Variants in PCDH15 observed in about 807,000 individuals in gnomAD.
PCDH15 encodes the protein protocadherin-15.
Under a neutral mutation model 178.5 loss-of-function variants are expected in PCDH15, and 129 were observed. That is an observed-to-expected ratio of 0.72 (90% CI 0.63 to 0.84). The LOEUF is 0.84. Among genes scored for constraint, PCDH15 ranks in the 40% least tolerant of loss-of-function variants. PCDH15 has a pLI of 0.00. For missense variants in PCDH15, 2,230 were observed against 2,099.9 expected, an observed-to-expected ratio of 1.06 and a Z score of -1.21; for synonymous variants, 800 against 732.0, an observed-to-expected ratio of 1.09 and a Z score of -1.50.
At chr10:55,167,744 C>G (rs1186253621) in intron 1 of PCDH15, among the ~76,000 whole-genome samples, 1 of 152,006 alleles carries the variant, frequency 6.6e-6, no homozygotes, top group Non-Finnish European at 1.5e-5. Context: ...ATAAAATTGA[C>G]AGATGCATTT....
At chr10:55,175,669 A>C (rs2132128234) in intron 1 of PCDH15, among the ~76,000 whole-genome samples, 1 of 151,344 alleles carries the variant, frequency 6.6e-6, no homozygotes, top group Middle Eastern at 3.4e-3. Context: ...GTCTCAAAAA[A>C]AAAAAAAAAG....
intron 8 of PCDH15, among the ~76,000 whole-genome samples, chr10:54,253,640 A>G (rs1296344812): frequency 6.6e-6 from 1 of 152,110 alleles, no homozygotes; most frequent in East Asian, 1.9e-4. Flanking sequence ...TAAAAGAGAT[A>G]TTAGTGATTA....
intron 23 of PCDH15, among the ~76,000 whole-genome samples, chr10:53,947,145 A>G (rs1466712959): frequency 6.6e-6 from 1 of 152,178 alleles, no homozygotes; most frequent in African/African-American, 2.4e-5. Flanking sequence ...TCAACTGAGT[A>G]TATATTAACT....
At chr10:55,562,443 G>A (rs760504817) in intron 2 of PCDH15, among the ~76,000 whole-genome samples, 1 of 151,624 alleles carries the variant, frequency 6.6e-6, no homozygotes. Context: ...CTAATCTAAC[G>A]TCATTTTCCA....
At chr10:54,414,308 A>G (rs1254560959) in intron 3 of PCDH15, among the ~76,000 whole-genome samples, 3 of 152,118 alleles carry the variant, frequency 2.0e-5, no homozygotes, top group Non-Finnish European at 4.4e-5. Context: ...ACTTAACATT[A>G]ATCTACAAAA....
Position 54,752,434 on chromosome 10 carries a change from G to A in PCDH15, c.-29+48491C>T, listed in dbSNP as rs1456714094. Among the ~76,000 whole-genome samples the A allele has an allele frequency of 4.2e-5, 6 of 143,948 alleles. No homozygotes were observed. In the East Asian group the frequency reaches 1.0e-3, roughly 24 times the overall value. The allele number at this position is 143,948 out of a possible 152,430, so 94.4% of individuals were successfully genotyped here. ...AGAGCTTGCAGTGAGCTGAGATCAC[G>A]CCACTGCACTCCAGCCTGGGTGACA... On this transcript the variant is annotated intron_variant, in intron 1 of 37. Coordinates refer to ENST00000644397, the MANE Select transcript of PCDH15 (RefSeq NM_001384140.1).
chr10:53,926,956 G>T (rs367749027), intron 25 of PCDH15, among the ~76,000 whole-genome samples: 16 of 152,134 alleles, frequency 1.1e-4, no homozygotes, highest in African/African-American at 3.1e-4. Flanking sequence ...ACAAATATGT[G>T]ATATATATTT....
chr10:54,242,091 T>C (rs2055366495), intron 8 of PCDH15, among the ~76,000 whole-genome samples: 1 of 134,508 alleles, frequency 7.4e-6, no homozygotes, highest in Non-Finnish European at 1.6e-5. Context: ...GAAACCTCAC[T>C]ACCAGATTGA....
At chr10:55,591,750 G>A (rs1476566413) in intron 2 of PCDH15, among the ~76,000 whole-genome samples, 1 of 152,042 alleles carries the variant, frequency 6.6e-6, no homozygotes, top group East Asian at 1.9e-4. Flanking sequence ...AAACTGCACT[G>A]TGTGTCCTTT....
chr10:54,796,276 A>ATCTATCTATCTG (rs1554796306), intron 1 of PCDH15, among the ~76,000 whole-genome samples: 8 of 84,550 alleles, frequency 9.5e-5, no homozygotes, highest in South Asian at 3.5e-4. Flanking sequence ...CTATCTATGT[A>ATCTATCTATCTG]TCTATGTATC....
intron 2 of PCDH15, among the ~76,000 whole-genome samples, chr10:55,571,950 T>C (rs900916962): frequency 4.6e-5 from 7 of 152,132 alleles, no homozygotes; most frequent in Non-Finnish European, 5.9e-5. Flanking sequence ...ATATTTTTTA[T>C]ATGCCACGTG....
chr10:54,772,336 A>G (rs1016124324), intron 1 of PCDH15, among the ~76,000 whole-genome samples: 1 of 152,152 alleles, frequency 6.6e-6, no homozygotes, highest in African/African-American at 2.4e-5. Context: ...TCAATATGTA[A>G]AAGTAAAGTC....
At chr10:53,922,252 T>A (rs1479803887) in intron 25 of PCDH15, among the ~76,000 whole-genome samples, 1 of 152,152 alleles carries the variant, frequency 6.6e-6, no homozygotes, top group African/African-American at 2.4e-5. Context: ...GCATATTTAG[T>A]ATGTGCTTAT....
chr10:53,841,947 GAA>G (rs539058922), intron 28 of PCDH15, among the ~76,000 whole-genome samples: 13 of 100,876 alleles, frequency 1.3e-4, no homozygotes, highest in Non-Finnish European at 2.3e-4. Context: ...TCTCCAAAGG[GAA>G]AAAAAAAAAA....
At chr10:54,835,647 A>G (rs1200173266) in intron 3 of PCDH15, among the ~76,000 whole-genome samples, 1 of 152,148 alleles carries the variant, frequency 6.6e-6, no homozygotes, top group Admixed American at 6.6e-5. Context: ...CCATGCACAC[A>G]CACCCTCATT....
intron 18 of PCDH15, among the ~76,000 whole-genome samples, chr10:54,044,176 G>C (rs1169095426): frequency 6.6e-6 from 1 of 152,076 alleles, no homozygotes; most frequent in East Asian, 1.9e-4. Flanking sequence ...TAGTGGTATG[G>C]AGATACTTTG....
At chr10:54,990,657 A>T (rs1214414249) in intron 2 of PCDH15, among the ~76,000 whole-genome samples, 1 of 152,184 alleles carries the variant, frequency 6.6e-6, no homozygotes, top group Non-Finnish European at 1.5e-5. Context: ...ATCATTGCAA[A>T]TTAGAAATTC....
intron 8 of PCDH15, among the ~76,000 whole-genome samples, chr10:54,282,121 A>C (rs112933364): frequency 6.6e-6 from 1 of 152,088 alleles, no homozygotes; most frequent in South Asian, 2.1e-4. Context: ...TCAATGGTAC[A>C]AATTATCTAA....
chr10:53,806,767 C>A lies in PCDH15; in HGVS notation c.5035G>T (p.Gly1679Trp), dbSNP rs746744883. 2 of 1,613,768 alleles carry A rather than the reference C, an allele frequency of 1.2e-6. No homozygotes were observed. The change falls in exon 38 of 38, where the codon GGG becomes TGG. Residue 1679 changes from glycine (G) to tryptophan (W), a missense_variant. By Grantham distance (184) the Gly-to-Trp change is radical (BLOSUM62 -2). Transcript: ENST00000644397. ...TLVTFAPCPV[G>W]TDNTAVKPLR... ...GGCTTCACCGCTGTATTGTCAGTCC[C>A]CACAGGGCAAGGGGCAAATGTAACC...
Sources: allele counts gnomAD v4.1 joint callset (sites outside exome capture counted in the v4.1 genomes callset), GRCh38; gene constraint gnomAD v4.1.1; transcripts MANE v1.5; gene names NCBI Gene and HGNC (gene_info 2026-07-23, HGNC 2026-07-21).